The following OR10J1 variants were observed in gnomAD, a reference collection of about 807,000 sequenced individuals.
OR10J1 encodes olfactory receptor 10J1.
For synonymous variants in OR10J1, 202 were observed against 143.8 expected, an observed-to-expected ratio of 1.40 and a Z score of -2.89; for missense variants, 474 against 376.6, an observed-to-expected ratio of 1.26 and a Z score of -2.14.
chr1:159,398,741 A>G, the OR10J1 span, among the ~76,000 whole-genome samples: 1 of 152,178 alleles, frequency 6.6e-6, no homozygotes, highest in South Asian at 2.1e-4. Flanking sequence ...AGAATAAAAA[A>G]CAATAAAGTA....
the OR10J1 span, among the ~76,000 whole-genome samples, chr1:159,416,772 T>G: frequency 6.6e-6 from 1 of 152,076 alleles, no homozygotes; most frequent in African/African-American, 2.4e-5. Context: ...ATTATAAGTG[T>G]GTTCAAGTTT....
chr1:159,411,952 C>T, the OR10J1 span, among the ~76,000 whole-genome samples: 5 of 152,162 alleles, frequency 3.3e-5, no homozygotes, highest in East Asian at 9.7e-4. Flanking sequence ...TCTCTCAGCC[C>T]AAAATCTCCT....
At chr1:159,431,477 TC>T in the OR10J1 span, among the ~76,000 whole-genome samples, 1 of 152,220 alleles carries the variant, frequency 6.6e-6, no homozygotes, top group Non-Finnish European at 1.5e-5. Flanking sequence ...TTTAGGTATG[TC>T]CCTTTGCACT....
the OR10J1 span, among the ~76,000 whole-genome samples, chr1:159,409,362 AC>A: frequency 6.6e-6 from 1 of 152,012 alleles, no homozygotes; most frequent in Admixed American, 6.6e-5. Context: ...TTTGTTTTTA[AC>A]TTTTTAGGCC....
At chr1:159,426,514 G>A in the OR10J1 span, among the ~76,000 whole-genome samples, 1 of 151,850 alleles carries the variant, frequency 6.6e-6, no homozygotes, top group Non-Finnish European at 1.5e-5. Context: ...TAACAACTTA[G>A]TTTTAAAATG....
the OR10J1 span, among the ~76,000 whole-genome samples, chr1:159,401,894 A>G: frequency 1.3e-5 from 2 of 152,106 alleles, no homozygotes; most frequent in Non-Finnish European, 2.9e-5. Flanking sequence ...AAGATCATTT[A>G]TCATGACCAA....
the OR10J1 span, among the ~76,000 whole-genome samples, chr1:159,420,405 TTC>T: frequency 2.0e-5 from 3 of 152,180 alleles, no homozygotes; most frequent in African/African-American, 7.2e-5. Context: ...GTTTCTTTCT[TTC>T]TCTCTTGTTG....
the OR10J1 span, among the ~76,000 whole-genome samples, chr1:159,410,711 T>G: frequency 2.6e-5 from 4 of 151,328 alleles, no homozygotes; most frequent in South Asian, 8.4e-4. Context: ...AGTTCTGCTC[T>G]GATTTTAGTT....
chr1:159,425,827 T>C, the OR10J1 span, among the ~76,000 whole-genome samples: 1 of 152,040 alleles, frequency 6.6e-6, no homozygotes, highest in Non-Finnish European at 1.5e-5. Context: ...GAAATATCAT[T>C]ATGTGCATAT....
At chr1:159,408,036 T>C in the OR10J1 span, among the ~76,000 whole-genome samples, 1 of 151,912 alleles carries the variant, frequency 6.6e-6, no homozygotes, top group Admixed American at 6.6e-5. Context: ...AAGAATACTA[T>C]AAAGGAGGTA....
At chr1:159,421,274 A>G in the OR10J1 span, among the ~76,000 whole-genome samples, 1 of 152,116 alleles carries the variant, frequency 6.6e-6, no homozygotes, top group African/African-American at 2.4e-5. Flanking sequence ...CTATGACTTC[A>G]GTAATTTTAA....
At chr1:159,426,645 G>C in the OR10J1 span, among the ~76,000 whole-genome samples, 29 of 151,728 alleles carry the variant, frequency 1.9e-4, no homozygotes, top group Non-Finnish European at 5.9e-5. Context: ...ACTTAAAAGA[G>C]TTGTAGCAAT....
At chr1:159,415,690 G>A in the OR10J1 span, among the ~76,000 whole-genome samples, 1 of 151,488 alleles carries the variant, frequency 6.6e-6, no homozygotes, top group East Asian at 1.9e-4. Flanking sequence ...TATGAATATG[G>A]TAATTAATTT....
chr1:159,407,269 A>G, the OR10J1 span, among the ~76,000 whole-genome samples: 2 of 152,090 alleles, frequency 1.3e-5, no homozygotes, highest in East Asian at 3.9e-4. Flanking sequence ...AGCAGTATGT[A>G]CTCTGAAGCC....
the OR10J1 span, among the ~76,000 whole-genome samples, chr1:159,402,841 C>T: frequency 1.3e-5 from 2 of 152,020 alleles, no homozygotes; most frequent in African/African-American, 2.4e-5. Flanking sequence ...GGAAGAATCA[C>T]ATTACCTGAC....
the OR10J1 span, among the ~76,000 whole-genome samples, chr1:159,424,861 A>T: frequency 6.6e-6 from 1 of 152,276 alleles, no homozygotes; most frequent in Middle Eastern, 3.4e-3. Flanking sequence ...TGCCAGATTG[A>T]GTAACTAACA....
the OR10J1 span, among the ~76,000 whole-genome samples, chr1:159,414,903 C>A: frequency 6.6e-6 from 1 of 151,886 alleles, no homozygotes; most frequent in African/African-American, 2.4e-5. Context: ...TATTCTTGTC[C>A]TTTGCCCACT....
the OR10J1 span, among the ~76,000 whole-genome samples, chr1:159,413,089 T>G: frequency 6.6e-6 from 1 of 152,034 alleles, no homozygotes; most frequent in Non-Finnish European, 1.5e-5. Context: ...CTTGAAAAAA[T>G]GCTCACCATC....
At chr1:159,422,634 C>A in the OR10J1 span, among the ~76,000 whole-genome samples, 5 of 152,152 alleles carry the variant, frequency 3.3e-5, no homozygotes, top group East Asian at 7.7e-4. Flanking sequence ...CTGGTGGAGG[C>A]TGGGCTCTCA....
Sources: allele counts gnomAD v4.1 joint callset (sites outside exome capture counted in the v4.1 genomes callset), GRCh38; gene constraint gnomAD v4.1.1; transcripts MANE v1.5; gene names NCBI Gene and HGNC (gene_info 2026-07-23, HGNC 2026-07-21).